The following SLC30A6 variants were observed in gnomAD, a reference collection of about 807,000 sequenced individuals.
SLC30A6 encodes the protein zinc transporter 6.
A neutral mutation model predicts 63.0 loss-of-function variants in SLC30A6; 55 were observed. The observed-to-expected ratio is 0.87, with a 90% CI of 0.70 to 1.09. The LOEUF (loss-of-function observed/expected upper bound fraction) is 1.09, where lower values mean the gene tolerates loss of function less well. Among genes scored for constraint, SLC30A6 ranks in the 50% least tolerant of loss-of-function variants. The pLI, the probability that SLC30A6 is intolerant of heterozygous loss-of-function variation, is 0.00. For missense variants in SLC30A6, 587 were observed against 549.2 expected, an observed-to-expected ratio of 1.07 and a Z score of -0.69; for synonymous variants, 224 against 186.1, an observed-to-expected ratio of 1.20 and a Z score of -1.66.
intron 13 of SLC30A6, among the ~76,000 whole-genome samples, chr2:32,210,928 A>C (rs1685205277): frequency 6.6e-6 from 1 of 152,200 alleles, no homozygotes; most frequent in Admixed American, 6.5e-5. Flanking sequence ...AAGAGACCAA[A>C]GAATGACTTG....
chr2:32,204,627 A>G lies in SLC30A6; in HGVS notation c.703A>G (p.Ile235Val), dbSNP rs1419471429. Residue 235 changes from isoleucine (I) to valine (V), a missense_variant, in exon 11 of 14, where the codon ATT (isoleucine) becomes GTT (valine). Physicochemically the swap from Ile to Val is conservative, Grantham distance 29. Transcript: ENST00000282587. ...FAVDTASAIA[I>V]ALMTFGTMYP... is the part of the protein sequence containing the mutation. Reference sequence around the variant, plus strand: ...CGTAGACACTGCCTCTGCTATAGCTATTGCCTTGATGACATTTGGCACTAT... The same window carrying G: ...CGTAGACACTGCCTCTGCTATAGCTGTTGCCTTGATGACATTTGGCACTAT... 3.1e-6 allele frequency: 5 copies of G among 1,612,364 alleles called. No homozygotes were observed. The highest frequency in any genetic ancestry group is 3.4e-6 in the Non-Finnish European group (4 of 1,179,152).
At chr2:32,178,339 GACT>G (rs1681975892) in intron 4 of SLC30A6, among the ~76,000 whole-genome samples, 1 of 152,054 alleles carries the variant, frequency 6.6e-6, no homozygotes, top group South Asian at 2.1e-4. Flanking sequence ...TTGTTGAAAA[GACT>G]ACTTTCCCCA....
chr2:32,212,374 T>C (rs1006705181), intron 13 of SLC30A6, among the ~76,000 whole-genome samples: 9 of 152,044 alleles, frequency 5.9e-5, no homozygotes, highest in Admixed American at 3.9e-4. Flanking sequence ...TTTTATAGTC[T>C]CTTTTTCTTA....
At chr2:32,196,668 T>A (rs1423390139) in intron 8 of SLC30A6, among the ~76,000 whole-genome samples, 1 of 152,210 alleles carries the variant, frequency 6.6e-6, no homozygotes, top group Non-Finnish European at 1.5e-5. Flanking sequence ...AGTATCATGT[T>A]GGTGCTCAAA....
At position 32,180,410 on chromosome 2, in the gene SLC30A6, C is replaced by CAA. The variant is rs35253594; in HGVS notation, c.219-3849_219-3848dup. On this transcript the variant is annotated intron_variant, in intron 4 of 13. Coordinates refer to ENST00000282587, the MANE Select transcript of SLC30A6 (RefSeq NM_017964.5). ...TTGGTGACACACTGATACCCTGTCT[C>CAA]AAAAAAAAAAAAAAAGGATTTTATT... 3.1e-4 allele frequency among the ~76,000 whole-genome samples: 36 copies of CAA among 117,428 alleles called. 1 individual carries two copies. Among genetic ancestry groups the CAA allele is most frequent in the South Asian group, 5.6e-4 (2 of 3,592 alleles). The allele number at this position is 117,428 out of a possible 152,430, so 77.0% of individuals were successfully genotyped here. A position where few individuals can be genotyped will look rare whatever the true frequency, so the allele number is the denominator to read the frequency against.
chr2:32,199,344 G>A (rs1227815604), intron 10 of SLC30A6, among the ~76,000 whole-genome samples: 2 of 152,208 alleles, frequency 1.3e-5, no homozygotes, highest in East Asian at 3.8e-4. Context: ...TTCAGTTCGT[G>A]TGGGTATATA....
chr2:32,180,334 G>T (rs1682183954), intron 4 of SLC30A6, among the ~76,000 whole-genome samples: 1 of 151,204 alleles, frequency 6.6e-6, no homozygotes, highest in East Asian at 1.9e-4. Context: ...AGCCCAAAAG[G>T]TCAAGGCTGC....
At chr2:32,167,936 T>C (rs1478391884) in intron 1 of SLC30A6, among the ~76,000 whole-genome samples, 2 of 152,226 alleles carry the variant, frequency 1.3e-5, no homozygotes, top group Non-Finnish European at 2.9e-5. Flanking sequence ...TTTGTCTTTC[T>C]CACTTTCTAG....
In SLC30A6 at chr2:32,220,634, C is replaced by T; in HGVS notation, c.1307C>T (p.Thr436Ile). The change falls in exon 14 of 14, where the codon ACT becomes ATT. Residue 436 changes from threonine to isoleucine, a missense_variant. Thr to Ile is a moderately conservative substitution (Grantham distance 89). Coordinates refer to ENST00000282587, the MANE Select transcript of SLC30A6 (RefSeq NM_017964.5). ...QGLGVPGIGA[T>I]QGLRTGFTNI... ...CTTGGAGTTCCAGGAATTGGAGCAA[C>T]TCAAGGATTGAGGACTGGTTTTACA... The T allele has an allele frequency of 6.2e-7, 1 of 1,614,142 alleles. No individual in the cohort carries two copies. The highest frequency in any genetic ancestry group is 8.5e-7 in the Non-Finnish European group (1 of 1,180,004).
intron 13 of SLC30A6, among the ~76,000 whole-genome samples, chr2:32,215,873 T>TTTC (rs398071261): frequency 6.6e-6 from 1 of 151,536 alleles, no homozygotes; most frequent in Non-Finnish European, 1.5e-5. Flanking sequence ...ATTTATTTTT[T>TTTC]ATAACGATAG....
chr2:32,187,810 C>T (rs2148840219), intron 5 of SLC30A6, among the ~76,000 whole-genome samples: 1 of 152,296 alleles, frequency 6.6e-6, no homozygotes, highest in Admixed American at 6.5e-5. Flanking sequence ...ATTACTGTCT[C>T]TCATCACCCA....
At chr2:32,210,759 C>T (rs576280939) in intron 13 of SLC30A6, among the ~76,000 whole-genome samples, 1 of 152,222 alleles carries the variant, frequency 6.6e-6, no homozygotes, top group African/African-American at 2.4e-5. Flanking sequence ...TAGTTTCAGG[C>T]TATGCTTTTG....
At chr2:32,210,574 C>A (rs1229850135) in intron 13 of SLC30A6, among the ~76,000 whole-genome samples, 1 of 145,982 alleles carries the variant, frequency 6.9e-6, no homozygotes, top group Non-Finnish European at 1.5e-5. Context: ...TTATAATTAG[C>A]TCTTTTTGTT....
intron 2 of SLC30A6, among the ~76,000 whole-genome samples, chr2:32,171,696 A>G (rs972805726): frequency 2.0e-5 from 3 of 146,884 alleles, no homozygotes; most frequent in African/African-American, 7.5e-5. Flanking sequence ...TCTTTTATTT[A>G]TTTTTTTTTT....
intron 10 of SLC30A6, chr2:32,203,103 A>C: frequency 7.6e-7 from 1 of 1,308,792 alleles, no homozygotes; most frequent in South Asian, 1.2e-5. Flanking sequence ...AAAAGACTTC[A>C]GAGAAGGTAG....
At chr2:32,175,226 A>G (rs1023225430) in intron 3 of SLC30A6, 93 bp from the exon 4 acceptor site, 2 of 1,225,084 alleles carry the variant, frequency 1.6e-6, no homozygotes, top group South Asian at 1.3e-5. Flanking sequence ...TTTTTTGATA[A>G]TGGATACCCC....
In SLC30A6 at chr2:32,181,744, T is replaced by C. The variant is rs570309593; in HGVS notation, c.219-2529T>C. Among the ~76,000 whole-genome samples, 14 of 152,026 alleles carry C rather than the reference T, an allele frequency of 9.2e-5. No homozygotes were observed. The East Asian group carries it at 2.3e-3, about 25-fold the overall frequency. The stretch of plus-strand genomic sequence containing the variant: ...TGAGGTGGGCATGGTGGCGCACTTT[T>C]GTAATCCCAGCTGCTTGGAAAGCTG... On this transcript the variant is annotated intron_variant, in intron 4 of 13. Transcript: ENST00000282587.
intron 5 of SLC30A6, among the ~76,000 whole-genome samples, chr2:32,187,476 G>A (rs1284236812): frequency 6.6e-6 from 1 of 152,076 alleles, no homozygotes; most frequent in Non-Finnish European, 1.5e-5. Flanking sequence ...CTCCCATTTT[G>A]GCTCACTTGC....
chr2:32,194,932 G>A (rs546948760), intron 8 of SLC30A6, among the ~76,000 whole-genome samples: 2 of 152,064 alleles, frequency 1.3e-5, no homozygotes, highest in Non-Finnish European at 2.9e-5. Flanking sequence ...CTGTTTCCCT[G>A]TAAAGATCAG....
Sources: allele counts gnomAD v4.1 joint callset (sites outside exome capture counted in the v4.1 genomes callset), GRCh38; gene constraint gnomAD v4.1.1; transcripts MANE v1.5; gene names NCBI Gene and HGNC (gene_info 2026-07-23, HGNC 2026-07-21).